Variants in RPTOR observed in about 807,000 individuals in gnomAD.
The protein encoded by RPTOR is regulatory-associated protein of mTOR.
RPTOR carries 21 observed loss-of-function variants against 169.9 expected under a neutral mutation model. The ratio of observed to expected loss-of-function variants is 0.12; its 90% CI spans 0.09 to 0.18. The LOEUF (loss-of-function observed/expected upper bound fraction) is 0.18, where lower values mean the gene tolerates loss of function less well. Among genes scored for constraint, RPTOR ranks in the 10% least tolerant of loss-of-function variants. The probability of loss-of-function intolerance (pLI) is 1.00; values close to 1 mark genes in which losing one functional copy is unlikely to be tolerated. For missense variants in RPTOR, 1,133 were observed against 1,855.9 expected (o/e 0.61, Z 7.16); for synonymous variants, 732 against 753.2 (o/e 0.97, Z 0.46).
chr17:80,841,287 G>C (rs62636945), intron 10 of RPTOR, among the ~76,000 whole-genome samples: 97 of 5,714 alleles, frequency 0.017, 17 homozygotes, highest in East Asian at 0.037. Context: ...CCGCACGGCA[G>C]CTCACTCTCA....
At chr17:80,668,182 A>G (rs1326157600) in intron 3 of RPTOR, among the ~76,000 whole-genome samples, 3 of 152,186 alleles carry the variant, frequency 2.0e-5, no homozygotes, top group Non-Finnish European at 2.9e-5. Flanking sequence ...TTGGGCCTCC[A>G]CTAGACAAAG....
intron 21 of RPTOR, among the ~76,000 whole-genome samples, chr17:80,914,500 CAG>C (rs1598398047): frequency 1.3e-5 from 2 of 152,206 alleles, no homozygotes; most frequent in African/African-American, 2.4e-5. Flanking sequence ...TCTGTGCTCT[CAG>C]GGGCCCAGGA....
intron 9 of RPTOR, among the ~76,000 whole-genome samples, chr17:80,831,153 TAGGA>T (rs1317017491): frequency 2.6e-5 from 4 of 152,178 alleles, no homozygotes; most frequent in Non-Finnish European, 4.4e-5. Flanking sequence ...TTAAGGTGCT[TAGGA>T]GGGAGGAGAG....
intron 7 of RPTOR, among the ~76,000 whole-genome samples, chr17:80,821,245 T>C (rs978870618): frequency 1.3e-5 from 2 of 152,196 alleles, no homozygotes; most frequent in Admixed American, 6.5e-5. Flanking sequence ...ACAGTGGGAC[T>C]CCACTACAAC....
chr17:80,942,549 G>GCAGGCGTAT (rs2069045790), intron 25 of RPTOR, among the ~76,000 whole-genome samples: 1 of 152,144 alleles, frequency 6.6e-6, no homozygotes, highest in Admixed American at 6.5e-5. Context: ...AGCAGGCGTA[G>GCAGGCGTAT]TGCCGGGAGT....
chr17:80,577,431 C>T (rs1391493715), intron 1 of RPTOR, among the ~76,000 whole-genome samples: 2 of 152,052 alleles, frequency 1.3e-5, no homozygotes, highest in African/African-American at 4.8e-5. Context: ...GTGCATGCCA[C>T]CACACCTGGC....
At chr17:80,830,566 C>T (rs978942372) in intron 9 of RPTOR, among the ~76,000 whole-genome samples, 5 of 152,198 alleles carry the variant, frequency 3.3e-5, no homozygotes, top group Admixed American at 1.3e-4. Context: ...GGTGCCCCCG[C>T]GCTGGGCCAT....
intron 24 of RPTOR, among the ~76,000 whole-genome samples, chr17:80,932,560 C>G (rs4969311): frequency 0.55 from 84,066 of 151,936 alleles, 23,683 homozygotes; most frequent in African/African-American, 0.63. Context: ...GAGAGTTGGA[C>G]ACTAAGAAAG....
At chr17:80,918,108 G>A (rs1041205750) in intron 21 of RPTOR, among the ~76,000 whole-genome samples, 3 of 152,254 alleles carry the variant, frequency 2.0e-5, no homozygotes, top group African/African-American at 7.2e-5. Flanking sequence ...CCTATGGCTT[G>A]AAAGCTTGTC....
At chr17:80,600,620 G>T (rs1455319442) in intron 1 of RPTOR, among the ~76,000 whole-genome samples, 1 of 152,148 alleles carries the variant, frequency 6.6e-6, no homozygotes, top group Non-Finnish European at 1.5e-5. Context: ...GGAAGAACGG[G>T]GATGGAAGAG....
intron 28 of RPTOR, among the ~76,000 whole-genome samples, chr17:80,949,813 T>G (rs2144066489): frequency 6.6e-6 from 1 of 152,362 alleles, no homozygotes; most frequent in Non-Finnish European, 1.5e-5. Flanking sequence ...ATCCTTGGCT[T>G]GCAGACATGT....
intron 20 of RPTOR, among the ~76,000 whole-genome samples, chr17:80,905,903 G>A (rs1173194657): frequency 6.6e-6 from 1 of 152,216 alleles, no homozygotes; most frequent in Non-Finnish European, 1.5e-5. Flanking sequence ...CGGGTCTTGT[G>A]AGGAGGGTTC....
At chr17:80,705,479 A>T (rs944477150) in intron 3 of RPTOR, among the ~76,000 whole-genome samples, 17 of 152,216 alleles carry the variant, frequency 1.1e-4, no homozygotes, top group Non-Finnish European at 2.1e-4. Flanking sequence ...AAAGATATTC[A>T]TACATCTACT....
At chr17:80,777,631 C>T (rs1971323026) in intron 6 of RPTOR, among the ~76,000 whole-genome samples, 2 of 151,610 alleles carry the variant, frequency 1.3e-5, no homozygotes, top group Admixed American at 1.3e-4. Context: ...TTTGTTGTTG[C>T]TGTCACCTGT....
At chr17:80,881,807 G>C (rs1313711571) in intron 14 of RPTOR, among the ~76,000 whole-genome samples, 1 of 152,216 alleles carries the variant, frequency 6.6e-6, no homozygotes, top group East Asian at 1.9e-4. Flanking sequence ...GAGCAACAGA[G>C]TGAGACCCCG....
intron 11 of RPTOR, among the ~76,000 whole-genome samples, chr17:80,853,525 G>A (rs2143737076): frequency 6.6e-6 from 1 of 152,250 alleles, no homozygotes; most frequent in Middle Eastern, 3.4e-3. Flanking sequence ...ACTGTCTGTG[G>A]TCACTCTCCT....
intron 6 of RPTOR, among the ~76,000 whole-genome samples, chr17:80,762,196 G>A (rs1268147195): frequency 3.9e-5 from 6 of 152,228 alleles, no homozygotes; most frequent in African/African-American, 1.2e-4. Flanking sequence ...TGATGGATGC[G>A]GTAAGAAAGG....
intron 26 of RPTOR, among the ~76,000 whole-genome samples, chr17:80,946,076 C>T (rs1039948787): frequency 3.3e-5 from 5 of 152,158 alleles, no homozygotes; most frequent in Non-Finnish European, 7.3e-5. Flanking sequence ...GTAATAGAGG[C>T]GTACACAGGG....
At chr17:80,741,908 G>A (rs2066485584) in intron 5 of RPTOR, among the ~76,000 whole-genome samples, 1 of 152,150 alleles carries the variant, frequency 6.6e-6, no homozygotes, top group African/African-American at 2.4e-5. Context: ...GGCAGTTGGA[G>A]GGTAACCAGG....
Sources: allele counts gnomAD v4.1 joint callset (sites outside exome capture counted in the v4.1 genomes callset), GRCh38; gene constraint gnomAD v4.1.1; transcripts MANE v1.5; gene names NCBI Gene and HGNC (gene_info 2026-07-23, HGNC 2026-07-21).